The following ADARB2 variants were observed in gnomAD, a reference collection of about 807,000 sequenced individuals.
ADARB2 encodes the protein adenosine deaminase RNA specific B2 (inactive).
ADARB2 carries 25 observed loss-of-function variants against 62.2 expected under a neutral mutation model. That is an observed-to-expected ratio of 0.40 (90% CI 0.29 to 0.56). The LOEUF (loss-of-function observed/expected upper bound fraction) is 0.56, where lower values mean the gene tolerates loss of function less well. Among genes scored for constraint, ADARB2 ranks in the 20% least tolerant of loss-of-function variants. The pLI is 0.43. For missense variants in ADARB2, 1,071 were observed against 1,077.4 expected (o/e 0.99, Z 0.08); for synonymous variants, 572 against 500.8 (o/e 1.14, Z -1.90).
chr10:1,418,824 G>GA (rs55695805), intron 1 of ADARB2, among the ~76,000 whole-genome samples: 2 of 151,432 alleles, frequency 1.3e-5, no homozygotes, highest in South Asian at 2.1e-4. Context: ...GGATAACTGA[G>GA]AAAAAAAAAA....
intron 6 of ADARB2, among the ~76,000 whole-genome samples, chr10:1,224,692 T>A (rs1231374241): frequency 1.3e-5 from 2 of 152,234 alleles, no homozygotes; most frequent in African/African-American, 4.8e-5. Context: ...TACCCAGTAG[T>A]CATTCAGGAG....
At chr10:1,404,915 ATTGT>A (rs1334209954) in intron 1 of ADARB2, among the ~76,000 whole-genome samples, 1 of 152,172 alleles carries the variant, frequency 6.6e-6, no homozygotes, top group Non-Finnish European at 1.5e-5. Context: ...TTTTCGTTAG[ATTGT>A]TTAAGGACAC....
intron 1 of ADARB2, among the ~76,000 whole-genome samples, chr10:1,510,090 T>G (rs1051331804): frequency 6.7e-6 from 1 of 150,124 alleles, no homozygotes. Flanking sequence ...TTTCTCTCTC[T>G]CTCTCTTTTC....
At chr10:1,514,514 G>A (rs1381587760) in intron 1 of ADARB2, among the ~76,000 whole-genome samples, 2 of 151,986 alleles carry the variant, frequency 1.3e-5, no homozygotes, top group African/African-American at 2.4e-5. Flanking sequence ...AGTGGGGCTC[G>A]TTTCTGGCTG....
intron 1 of ADARB2, among the ~76,000 whole-genome samples, chr10:1,555,447 G>A (rs564041025): frequency 6.6e-6 from 1 of 152,220 alleles, no homozygotes; most frequent in Non-Finnish European, 1.5e-5. Flanking sequence ...ATCATCCTTC[G>A]TAAGAGAAGT....
intron 1 of ADARB2, among the ~76,000 whole-genome samples, chr10:1,379,703 G>A (rs1341268587): frequency 1.3e-5 from 2 of 152,242 alleles, no homozygotes; most frequent in African/African-American, 4.8e-5. Flanking sequence ...GTGTGGGGCA[G>A]AGCATGCACA....
intron 1 of ADARB2, among the ~76,000 whole-genome samples, chr10:1,617,918 C>G (rs1444748782): frequency 2.6e-5 from 4 of 152,240 alleles, no homozygotes; most frequent in African/African-American, 9.6e-5. Flanking sequence ...AAGCTCAAAA[C>G]TTTTGTTGGA....
At chr10:1,565,372 G>C (rs776551609) in intron 1 of ADARB2, among the ~76,000 whole-genome samples, 6 of 152,130 alleles carry the variant, frequency 3.9e-5, no homozygotes, top group Non-Finnish European at 5.9e-5. Flanking sequence ...AAATACATGG[G>C]TATGCATGTA....
At chr10:1,557,667 A>G (rs2813358) in intron 1 of ADARB2, among the ~76,000 whole-genome samples, 139,736 of 152,172 alleles carry the variant, frequency 0.92, 64,643 homozygotes, top group East Asian at 1. Flanking sequence ...ACTTTGGGAG[A>G]CCCAGGCGGG....
chr10:1,365,368 T>A (rs113210646), intron 2 of ADARB2, among the ~76,000 whole-genome samples: 2,772 of 152,154 alleles, frequency 0.018, 36 homozygotes, highest in Middle Eastern at 0.034. Context: ...CTCATCTCTC[T>A]CCCTCTGCTC....
intron 6 of ADARB2, among the ~76,000 whole-genome samples, chr10:1,227,355 C>A (rs368054848): frequency 6.6e-6 from 1 of 152,220 alleles, no homozygotes; most frequent in South Asian, 2.1e-4. Flanking sequence ...TTGCGCTTCC[C>A]GGGTGAGGCG....
chr10:1,307,570 C>G (rs1415996204), intron 3 of ADARB2, among the ~76,000 whole-genome samples: 1 of 143,040 alleles, frequency 7.0e-6, no homozygotes, highest in African/African-American at 2.6e-5. Context: ...CCCAGCCATC[C>G]CATTACTGGG....
intron 1 of ADARB2, among the ~76,000 whole-genome samples, chr10:1,560,466 G>T (rs1056507980): frequency 1.2e-5 from 1 of 80,612 alleles, no homozygotes; most frequent in Admixed American, 1.3e-4. Flanking sequence ...GTGAACACAC[G>T]GGGGGCACCC....
chr10:1,525,558 G>T (rs1031555876), intron 1 of ADARB2, among the ~76,000 whole-genome samples: 6 of 152,066 alleles, frequency 3.9e-5, no homozygotes, highest in Non-Finnish European at 8.8e-5. Context: ...GCCCGACGCT[G>T]GTGGTCCACG....
At chr10:1,641,969 T>G (rs577504226) in intron 1 of ADARB2, among the ~76,000 whole-genome samples, 1 of 152,198 alleles carries the variant, frequency 6.6e-6, no homozygotes, top group African/African-American at 2.4e-5. Flanking sequence ...GCCGAGATGG[T>G]GCCACTGCAC....
At chr10:1,525,208 G>A (rs568303561) in intron 1 of ADARB2, among the ~76,000 whole-genome samples, 2 of 152,106 alleles carry the variant, frequency 1.3e-5, no homozygotes, top group African/African-American at 4.8e-5. Flanking sequence ...GTTTGGGGGA[G>A]GAGGAATTTC....
intron 3 of ADARB2, among the ~76,000 whole-genome samples, chr10:1,317,872 C>T (rs1831754549): frequency 6.6e-6 from 1 of 152,152 alleles, no homozygotes; most frequent in Non-Finnish European, 1.5e-5. Context: ...CCCCAGCCTT[C>T]CCGTCTTGAG....
chr10:1,206,557 A>G (rs1239226277), intron 7 of ADARB2, among the ~76,000 whole-genome samples: 1 of 152,138 alleles, frequency 6.6e-6, no homozygotes, highest in African/African-American at 2.4e-5. Flanking sequence ...GCGGTCTGAG[A>G]GAACTGCGGT....
chr10:1,534,268 C>T (rs565822828), intron 1 of ADARB2, among the ~76,000 whole-genome samples: 14 of 152,068 alleles, frequency 9.2e-5, no homozygotes, highest in African/African-American at 3.4e-4. Flanking sequence ...TCCCAAGTAG[C>T]TGGGATTATA....
Sources: allele counts gnomAD v4.1 joint callset (sites outside exome capture counted in the v4.1 genomes callset), GRCh38; gene constraint gnomAD v4.1.1; transcripts MANE v1.5; gene names NCBI Gene and HGNC (gene_info 2026-07-23, HGNC 2026-07-21).